The following ATP11A variants were observed in gnomAD, a reference collection of about 807,000 sequenced individuals.
ATP11A encodes phospholipid-transporting ATPase IH.
A neutral mutation model predicts 154.4 loss-of-function variants in ATP11A; 81 were observed. The ratio of observed to expected loss-of-function variants is 0.52; its 90% CI spans 0.44 to 0.63. The LOEUF is 0.63. ATP11A is among the 30% of genes least tolerant of loss of function. The probability of loss-of-function intolerance (pLI) is 0.00; values close to 1 mark genes in which losing one functional copy is unlikely to be tolerated. For missense variants in ATP11A, 1,316 were observed against 1,474.3 expected (o/e 0.89, Z 1.76); for synonymous variants, 623 against 585.9 (o/e 1.06, Z -0.91).
At chr13:112,725,640 C>T (rs1485432755) in intron 1 of ATP11A, among the ~76,000 whole-genome samples, 3 of 152,194 alleles carry the variant, frequency 2.0e-5, no homozygotes, top group African/African-American at 7.2e-5. Flanking sequence ...CAGATGTAAG[C>T]AGAACAGATG....
chr13:112,773,766 C>T (rs1325530551), intron 1 of ATP11A, among the ~76,000 whole-genome samples: 1 of 152,260 alleles, frequency 6.6e-6, no homozygotes, highest in Admixed American at 6.5e-5. Context: ...TGTGTGGCAC[C>T]TGCCAACGCC....
chr13:112,714,135 C>T (rs1001942975), intron 1 of ATP11A, among the ~76,000 whole-genome samples: 7 of 151,710 alleles, frequency 4.6e-5, no homozygotes, highest in Non-Finnish European at 2.9e-5. Context: ...CCACAACTCC[C>T]TTCCACTCCT....
intron 25 of ATP11A, among the ~76,000 whole-genome samples, chr13:112,871,458 C>T (rs1190269973): frequency 6.6e-6 from 1 of 152,096 alleles, no homozygotes; most frequent in Non-Finnish European, 1.5e-5. Context: ...GCGTCAGGAG[C>T]GGGCAGCAAG....
chr13:112,741,066 T>G (rs951035135), intron 1 of ATP11A, among the ~76,000 whole-genome samples: 4 of 152,248 alleles, frequency 2.6e-5, no homozygotes, highest in African/African-American at 9.6e-5. Context: ...TAGGTCAGTG[T>G]TTCTAATACT....
At chr13:112,724,127 C>T (rs1889539643) in intron 1 of ATP11A, among the ~76,000 whole-genome samples, 1 of 121,690 alleles carries the variant, frequency 8.2e-6, no homozygotes, top group South Asian at 3.1e-4. Context: ...CCCTTCTCCC[C>T]CATCGCCCCC....
chr13:112,791,014 C>T (rs1308698180), intron 2 of ATP11A, among the ~76,000 whole-genome samples: 1 of 152,196 alleles, frequency 6.6e-6, no homozygotes, highest in East Asian at 1.9e-4. Context: ...GATGAGAAAT[C>T]ACATCCAAAA....
chr13:112,860,390 T>C lies in ATP11A; in HGVS notation c.2831T>C (p.Leu944Pro). The change falls in exon 24 of 30, where the codon CTC (leucine) becomes CCC (proline). Residue 944 changes from leucine (L) to proline (P), a missense_variant. By Grantham distance (98) the Leu-to-Pro change is moderately conservative (BLOSUM62 -3). Transcript: ENST00000375645. ...LMEQHVGIDV[L>P]KRDPTLYRDV... ...GAGCAGCATGTTGGCATTGACGTGC[T>C]CAAGAGAGACCCGACCCTGTACAGG... The C allele has an allele frequency of 1.9e-6, 3 of 1,614,130 alleles. No individual in the cohort carries two copies. The highest frequency in any genetic ancestry group is 8.5e-7 in the Non-Finnish European group (1 of 1,180,018).
intron 2 of ATP11A, among the ~76,000 whole-genome samples, chr13:112,789,988 C>T (rs1303352625): frequency 1.3e-5 from 2 of 151,630 alleles, no homozygotes; most frequent in Non-Finnish European, 2.9e-5. Context: ...GTGTAAACCC[C>T]TGTGTAGATC....
At chr13:112,811,193 C>CACACACACACACACAT (rs2078488356) in intron 5 of ATP11A, among the ~76,000 whole-genome samples, 1 of 151,320 alleles carries the variant, frequency 6.6e-6, no homozygotes, top group African/African-American at 2.4e-5. Flanking sequence ...CACACACACA[C>CACACACACACACACAT]ACACACACAC....
At chr13:112,780,487 G>A (rs1324299566) in intron 1 of ATP11A, among the ~76,000 whole-genome samples, 1 of 152,210 alleles carries the variant, frequency 6.6e-6, no homozygotes, top group Admixed American at 6.5e-5. Context: ...GTGTTGCTGT[G>A]GGTGTCGGCG....
chr13:112,690,044 C>T lies in ATP11A; in HGVS notation c.-373C>T, dbSNP rs917188029. Among the ~76,000 whole-genome samples, 36 of 148,708 alleles carry T rather than the reference C, an allele frequency of 2.4e-4. No individual in the cohort carries two copies. The highest frequency in any genetic ancestry group is 4.2e-4 in the Non-Finnish European group (28 of 66,694). On this transcript the variant is annotated 5_prime_UTR_variant, in exon 1 of 30. Coordinates refer to ENST00000375645, the MANE Select transcript of ATP11A (RefSeq NM_015205.3). This position sits in a 1 kb window ranked among gnomAD's most constrained non-coding sequence, Gnocchi z 5.6. Reference sequence around the variant, plus strand: ...AGCGGGGCCCGGAGGCTCCAGAGGGCGGCGGGCAGGGGAGGAGGAGACTCG... The same window carrying T: ...AGCGGGGCCCGGAGGCTCCAGAGGGTGGCGGGCAGGGGAGGAGGAGACTCG...
At chr13:112,779,856 A>G (rs1339410776) in intron 1 of ATP11A, among the ~76,000 whole-genome samples, 2 of 151,952 alleles carry the variant, frequency 1.3e-5, no homozygotes, top group Admixed American at 6.6e-5. Flanking sequence ...GTGAGCCGAG[A>G]TTTTGCCATT....
chr13:112,841,267 G>A (rs529934662), intron 16 of ATP11A, among the ~76,000 whole-genome samples: 1 of 144,964 alleles, frequency 6.9e-6, no homozygotes, highest in Non-Finnish European at 1.5e-5. Context: ...CTGTGTGTCG[G>A]GAGCACCTGC....
At chr13:112,768,217 A>T (rs1251783498) in intron 1 of ATP11A, among the ~76,000 whole-genome samples, 1 of 152,206 alleles carries the variant, frequency 6.6e-6, no homozygotes, top group Non-Finnish European at 1.5e-5. Context: ...GATGAGCTAC[A>T]TGGGACACAA....
rs771523973 is a variant in ATP11A, at chr13:112,742,190, GT to G, written c.40-42940del. ...CTAGATGGTGCCAGGTTGAAAGGAG[GT>G]TTTTAAAATAAGTGCAGGCTCATGT... is the stretch of plus-strand genomic sequence containing the variant. On this transcript the variant is annotated intron_variant, in intron 1 of 29. Transcript: ENST00000375645. 3.3e-5 allele frequency among the ~76,000 whole-genome samples: 5 copies of G among 152,342 alleles called. No homozygotes were observed. In the East Asian group the frequency reaches 7.7e-4, roughly 23 times the overall value.
intron 26 of ATP11A, among the ~76,000 whole-genome samples, chr13:112,872,433 A>G (rs955337745): frequency 6.6e-6 from 1 of 152,220 alleles, no homozygotes; most frequent in African/African-American, 2.4e-5. Flanking sequence ...CAACATGGCA[A>G]AACCCCATCT....
chr13:112,733,956 C>A (rs1890740990), intron 1 of ATP11A, among the ~76,000 whole-genome samples: 1 of 152,112 alleles, frequency 6.6e-6, no homozygotes, highest in Non-Finnish European at 1.5e-5. Flanking sequence ...ATTAGCAGTT[C>A]TATGTTTCAC....
intron 1 of ATP11A, among the ~76,000 whole-genome samples, chr13:112,756,724 G>A (rs780812425): frequency 2.0e-5 from 3 of 152,186 alleles, no homozygotes; most frequent in Non-Finnish European, 4.4e-5. Context: ...CTGGGGCACG[G>A]CCCTCTGCAC....
chr13:112,839,229 A>T (rs2079325863), intron 16 of ATP11A, among the ~76,000 whole-genome samples: 1 of 152,128 alleles, frequency 6.6e-6, no homozygotes, highest in South Asian at 2.1e-4. Flanking sequence ...CACCCAAGGT[A>T]TTATGTACGC....
Sources: allele counts gnomAD v4.1 joint callset (sites outside exome capture counted in the v4.1 genomes callset), GRCh38; gene constraint gnomAD v4.1.1; non-coding constraint Gnocchi (gnomAD v3.1); transcripts MANE v1.5; gene names NCBI Gene and HGNC (gene_info 2026-07-23, HGNC 2026-07-21).